Variants in CA12 observed in about 807,000 individuals in gnomAD.
CA12 encodes carbonate dehydratase XII.
Under a neutral mutation model 46.8 loss-of-function variants are expected in CA12, and 36 were observed. The ratio of observed to expected loss-of-function variants is 0.77; its 90% CI spans 0.59 to 1.02. CA12 has a LOEUF of 1.02. Among genes scored for constraint, CA12 ranks in the 50% least tolerant of loss-of-function variants. CA12 has a pLI of 0.00. For synonymous variants in CA12, 202 were observed against 187.0 expected, an observed-to-expected ratio of 1.08 and a Z score of -0.65; for missense variants, 436 against 451.4, an observed-to-expected ratio of 0.97 and a Z score of 0.31.
intron 8 of CA12, among the ~76,000 whole-genome samples, chr15:63,337,540 T>C (rs2039018858): frequency 6.6e-6 from 1 of 151,950 alleles, no homozygotes; most frequent in Non-Finnish European, 1.5e-5. Context: ...CATTGCAACC[T>C]CTGCCTCCTG....
intron 2 of CA12, among the ~76,000 whole-genome samples, chr15:63,363,103 G>A (rs192631740): frequency 6.6e-6 from 1 of 152,314 alleles, no homozygotes; most frequent in African/African-American, 2.4e-5. Flanking sequence ...CGCACGCTGG[G>A]TCCCAGGCCC....
chr15:63,362,733 A>G (rs1456953041), intron 2 of CA12, among the ~76,000 whole-genome samples: 1 of 152,196 alleles, frequency 6.6e-6, no homozygotes, highest in Non-Finnish European at 1.5e-5. Context: ...GTTCTTTCTG[A>G]TATCTTACCT....
chr15:63,364,566 G>A (rs925229103), intron 2 of CA12, among the ~76,000 whole-genome samples: 1 of 152,150 alleles, frequency 6.6e-6, no homozygotes, highest in Admixed American at 6.5e-5. Flanking sequence ...ACACAGATTG[G>A]GGGATGTGGG....
At chr15:63,365,113 A>T (rs2039421400) in intron 2 of CA12, among the ~76,000 whole-genome samples, 1 of 152,226 alleles carries the variant, frequency 6.6e-6, no homozygotes. Flanking sequence ...TCATCCGGAC[A>T]CACTGGTCTT....
At chr15:63,369,132 G>A (rs1020188096) in intron 2 of CA12, among the ~76,000 whole-genome samples, 2 of 152,350 alleles carry the variant, frequency 1.3e-5, no homozygotes, top group East Asian at 1.9e-4. Flanking sequence ...CCCTTGGGAC[G>A]AGAGCTTGCA....
intron 2 of CA12, 29 bp from the exon 3 acceptor site, chr15:63,346,738 T>C (rs1555430399): frequency 1.2e-6 from 2 of 1,611,656 alleles, no homozygotes; most frequent in South Asian, 1.1e-5. Flanking sequence ...GCTCAAGATT[T>C]AGAGTTTCTC....
At chr15:63,364,615 C>T (rs1181959822) in intron 2 of CA12, among the ~76,000 whole-genome samples, 2 of 152,176 alleles carry the variant, frequency 1.3e-5, no homozygotes, top group Non-Finnish European at 2.9e-5. Flanking sequence ...TGGGCTCTTG[C>T]CTCGCAGTGT....
rs2038907887 is a variant in CA12 at position 63,329,379 on chromosome 15, A to T, written c.875-1249T>A. ...GCCTACTAGCCACCTCCTGGGGGGAAAATCACATGAGAATCCATTGTCTTG... is the reference window on the plus strand; with the variant it reads ...GCCTACTAGCCACCTCCTGGGGGGATAATCACATGAGAATCCATTGTCTTG... On this transcript the variant is annotated intron_variant, in intron 8 of 10. Coordinates refer to ENST00000178638, the MANE Select transcript of CA12 (RefSeq NM_001218.5). This position sits in a 1 kb window ranked among gnomAD's most constrained non-coding sequence, Gnocchi z 4.8. 6.6e-6 allele frequency among the ~76,000 whole-genome samples: 1 copy of T among 152,182 alleles called. No homozygotes were observed. The highest frequency in any genetic ancestry group is 2.1e-4 in the South Asian group (1 of 4,828).
chr15:63,344,583 C>T lies in CA12; in HGVS notation c.429+894G>A, dbSNP rs12441616. Among the ~76,000 whole-genome samples, 327 of 152,332 alleles carry T rather than the reference C, an allele frequency of 2.1e-3. 6 individuals carry two copies. Among genetic ancestry groups the T allele is most frequent in the Admixed American group, 0.018 (280 of 15,304 alleles). On this transcript the variant is annotated intron_variant, in intron 4 of 10. Coordinates refer to ENST00000178638, the MANE Select transcript of CA12 (RefSeq NM_001218.5). ...CATCCTATTGAACCAGATCCTATCC[C>T]TTCCATGCTTGCAAGTAGACCTATG... is the stretch of plus-strand genomic sequence containing the variant.
In CA12 at chr15:63,342,026, G is replaced by A. The variant is rs144911394; in HGVS notation, c.501C>T (p.Leu167=). ...ASTASNKSEG[L]AVLAVLIEMG... The stretch of plus-strand genomic sequence containing the variant: ...CCTCAATGAGAACAGCCAGGACAGC[G>A]AGGCCTTCTGACTTGTTGCTGGCAG... The change falls in exon 5 of 11, where the codon CTC becomes CTT. Residue 167 remains leucine, a synonymous_variant. Coordinates refer to ENST00000178638, the MANE Select transcript of CA12 (RefSeq NM_001218.5). 1,882 of 1,613,602 alleles carry A rather than the reference G, an allele frequency of 1.2e-3. 1 individual carries two copies. Among genetic ancestry groups the A allele is most frequent in the Middle Eastern group, 4.0e-3 (24 of 6,060 alleles).
intron 2 of CA12, among the ~76,000 whole-genome samples, chr15:63,350,587 T>C (rs1022259430): frequency 3.9e-5 from 6 of 152,242 alleles, no homozygotes; most frequent in African/African-American, 1.4e-4. Flanking sequence ...CCTGTCTATG[T>C]GTTTTTCCTG....
intron 2 of CA12, among the ~76,000 whole-genome samples, chr15:63,366,546 T>A (rs1044793311): frequency 2.0e-5 from 3 of 152,238 alleles, no homozygotes; most frequent in Non-Finnish European, 2.9e-5. Context: ...ATTTCCTGAG[T>A]ACCAATACTT....
rs761443210 is a variant in CA12, at chr15:63,340,763, G to C, written c.546C>G (p.Ser182=). The change falls in exon 6 of 11, where the codon TCC becomes TCG. Residue 182 remains serine (S), a synonymous_variant. Transcript: ENST00000178638. This position sits in a 1 kb window ranked among gnomAD's most constrained non-coding sequence, Gnocchi z 4.4. ...VLIEMGSFNP[S]YDKIFSHLQH... is the part of the protein sequence containing the mutation. ...GAAGGTGACTGAAGATCTTGTCATA[G>C]GACGGATTGAAGGAGCCCATCTGCA... The C allele has an allele frequency of 6.2e-7, 1 of 1,614,210 alleles. No individual in the cohort carries two copies. The highest frequency in any genetic ancestry group is 1.1e-5 in the South Asian group (1 of 91,086).
chr15:63,345,566 T>G lies in CA12; in HGVS notation c.340A>C (p.Ser114Arg). The change falls in exon 4 of 11, where the codon AGT (serine) becomes CGT (arginine). Residue 114 changes from serine to arginine, a missense_variant. Ser to Arg is a moderately radical substitution (Grantham distance 110). Coordinates refer to ENST00000178638, the MANE Select transcript of CA12 (RefSeq NM_001218.5). This position sits in a 1 kb window ranked among gnomAD's most constrained non-coding sequence, Gnocchi z 4.3. ...MHIQGLQSRYSATQLHLHWGN... is the reference protein window; with the variant it reads ...MHIQGLQSRYRATQLHLHWGN... ...CAGTGCAGGTGCAGCTGCGTGGCAC[T>G]GTAGCGAGACTGGAGGCCCTGGATG... 1 of 1,613,582 alleles carries G rather than the reference T, an allele frequency of 6.2e-7. No homozygotes were observed. Among genetic ancestry groups the G allele is most frequent in the Non-Finnish European group, 8.5e-7 (1 of 1,180,008 alleles).
chr15:63,326,962 G>A (rs1312791753), intron 10 of CA12, among the ~76,000 whole-genome samples, 187 bp downstream of exon 10: 1 of 152,184 alleles, frequency 6.6e-6, no homozygotes, highest in East Asian at 1.9e-4. Flanking sequence ...CCCTTTGAAC[G>A]ACCAGGGTCA....
In CA12 at chr15:63,324,583, C is replaced by G. The variant is rs2038841363; in HGVS notation, c.*1702G>C. The stretch of plus-strand genomic sequence containing the variant: ...ACACAAACACACAGAGAGACACACA[C>G]ACATTTGAGCTCCCATTAGGTCACT... On this transcript the variant is annotated 3_prime_UTR_variant, in exon 11 of 11. Coordinates refer to ENST00000178638, the MANE Select transcript of CA12 (RefSeq NM_001218.5). The G allele has an allele frequency of 6.6e-6, 1 of 152,162 alleles. No individual in the cohort carries two copies. The highest frequency in any genetic ancestry group is 2.1e-4 in the South Asian group (1 of 4,832). The allele number at this position is 152,162 out of a possible 1,614,324, so 9.4% of individuals were successfully genotyped here.
chr15:63,351,643 C>T (rs2039233571), intron 2 of CA12, among the ~76,000 whole-genome samples: 1 of 152,168 alleles, frequency 6.6e-6, no homozygotes, highest in Non-Finnish European at 1.5e-5. Context: ...GCTCAAATGC[C>T]CTCTTCTTTC....
chr15:63,372,932 C>G lies in CA12; in HGVS notation c.106+2726G>C, dbSNP rs1429805906. The stretch of plus-strand genomic sequence containing the variant: ...CCTCTGCTTCCTCAGCAAAGAGCTG[C>G]TCTAATTATGCAGGGTAGGAGGGAC... On this transcript the variant is annotated intron_variant, in intron 2 of 10. Coordinates refer to ENST00000178638, the MANE Select transcript of CA12 (RefSeq NM_001218.5). The surrounding 1 kb of genome is among the most constrained non-coding windows in gnomAD (Gnocchi z 4.5). Among the ~76,000 whole-genome samples, 3 of 152,224 alleles carry G rather than the reference C, an allele frequency of 2.0e-5. No individual in the cohort carries two copies. The East Asian group carries it at 5.8e-4, about 29-fold the overall frequency.
chr15:63,321,798 A>T lies in CA12; in HGVS notation c.*4487T>A, dbSNP rs1253790559. The T allele has an allele frequency of 1.3e-5, 2 of 152,336 alleles. No homozygotes were observed. Among genetic ancestry groups the T allele is most frequent in the Non-Finnish European group, 2.9e-5 (2 of 68,124 alleles). The allele number at this position is 152,336 out of a possible 1,614,324, so 9.4% of individuals were successfully genotyped here. On this transcript the variant is annotated 3_prime_UTR_variant, in exon 11 of 11. Transcript: ENST00000178638. This position sits in a 1 kb window ranked among gnomAD's most constrained non-coding sequence, Gnocchi z 4.5. ...CCCACGTGCCTGCCACCCGAGCGCC[A>T]TTCACTCCCGACCGCGGGGACCTGG...
Sources: allele counts gnomAD v4.1 joint callset (sites outside exome capture counted in the v4.1 genomes callset), GRCh38; gene constraint gnomAD v4.1.1; non-coding constraint Gnocchi (gnomAD v3.1); transcripts MANE v1.5; gene names NCBI Gene and HGNC (gene_info 2026-07-23, HGNC 2026-07-21).